The following COL23A1 variants were observed in gnomAD, a reference collection of about 807,000 sequenced individuals.
COL23A1 encodes the protein collagen type XXIII alpha 1 chain.
Under a neutral mutation model 99.3 loss-of-function variants are expected in COL23A1, and 97 were observed. The ratio of observed to expected loss-of-function variants is 0.98; its 90% CI spans 0.83 to 1.16. COL23A1 has a LOEUF of 1.16. COL23A1 is among the 50% of genes most tolerant of loss of function. COL23A1 has a pLI of 0.00. For missense variants in COL23A1, 762 were observed against 757.4 expected, an observed-to-expected ratio of 1.01 and a Z score of -0.07; for synonymous variants, 320 against 308.2, an observed-to-expected ratio of 1.04 and a Z score of -0.40.
intron 1 of COL23A1, among the ~76,000 whole-genome samples, chr5:178,575,575 C>G (rs999667511): frequency 6.6e-6 from 1 of 152,176 alleles, no homozygotes; most frequent in Non-Finnish European, 1.5e-5. Context: ...TCAAGCAGTT[C>G]CATGGCTCAC....
chr5:178,410,869 T>C (rs1038847590), intron 2 of COL23A1, among the ~76,000 whole-genome samples: 2 of 152,206 alleles, frequency 1.3e-5, no homozygotes, highest in Non-Finnish European at 2.9e-5. Context: ...TCAAATCATA[T>C]ATCTGACAAT....
rs1435952125 is a variant in COL23A1 at position 178,316,808 on chromosome 5, C to G, written c.362-9889G>C. ...TAATAATAACAGTAAGATCTAGTTTCAAGGTAGTGGACTGCAACATTGAAG... is the reference window on the plus strand; with the variant it reads ...TAATAATAACAGTAAGATCTAGTTTGAAGGTAGTGGACTGCAACATTGAAG... On this transcript the variant is annotated intron_variant, in intron 2 of 28. Transcript: ENST00000390654. Among the ~76,000 whole-genome samples the G allele has an allele frequency of 1.3e-4, 19 of 151,040 alleles. No homozygotes were observed. In the South Asian group the frequency reaches 4.0e-3, roughly 31 times the overall value.
Position 178,357,778 on chromosome 5 carries a change from ATG to A in COL23A1, c.362-50861_362-50860del, listed in dbSNP as rs1554144847. 6.2e-3 allele frequency among the ~76,000 whole-genome samples: 852 copies of A among 137,480 alleles called. 6 individuals carry two copies. The highest frequency in any genetic ancestry group is 0.022 in the African/African-American group (804 of 36,978). 90.2% of individuals were successfully genotyped at this position (137,480 alleles called of 152,430 possible). A position where few individuals can be genotyped will look rare whatever the true frequency, so the allele number is the denominator to read the frequency against. On this transcript the variant is annotated intron_variant, in intron 2 of 28. Transcript: ENST00000390654. Reference sequence around the variant, plus strand: ...TGTGTGTACGTGTATGTATGTGTGTATGTGTATGTGTGTGTGTATGTGTGTGT... The same window carrying A: ...TGTGTGTACGTGTATGTATGTGTGTATGTATGTGTGTGTGTATGTGTGTGT...
At position 178,468,926 on chromosome 5, in the gene COL23A1, C is replaced by A. The variant is rs1756584192; in HGVS notation, c.361+91756G>T. Among the ~76,000 whole-genome samples, 1 of 152,180 alleles carries A rather than the reference C, an allele frequency of 6.6e-6. No homozygotes were observed. Among genetic ancestry groups the A allele is most frequent in the Non-Finnish European group, 1.5e-5 (1 of 68,028 alleles). On this transcript the variant is annotated intron_variant, in intron 2 of 28. Coordinates refer to ENST00000390654, the MANE Select transcript of COL23A1 (RefSeq NM_173465.4). The surrounding 1 kb of genome is among the most constrained non-coding windows in gnomAD (Gnocchi z 4.2). ...AACACCAACTCCCCACTCCCCCCAG[C>A]CTGTGGCACCCACCATCCTGGTTTC...
chr5:178,353,722 C>T (rs1462892442), intron 2 of COL23A1, among the ~76,000 whole-genome samples: 1 of 152,176 alleles, frequency 6.6e-6, no homozygotes, highest in Non-Finnish European at 1.5e-5. Flanking sequence ...TGGGTGACAT[C>T]TCTCCGTGGA....
At chr5:178,585,336 G>T (rs493111) in intron 1 of COL23A1, among the ~76,000 whole-genome samples, 1 of 151,006 alleles carries the variant, frequency 6.6e-6, no homozygotes, top group African/African-American at 2.4e-5. Context: ...TGTGGCCCCG[G>T]CTGACGCTCA....
chr5:178,304,550 A>G (rs917094366), intron 3 of COL23A1, among the ~76,000 whole-genome samples: 6 of 150,936 alleles, frequency 4.0e-5, no homozygotes, highest in African/African-American at 1.2e-4. Context: ...CTCCCAAGAG[A>G]CACAGGAAAA....
chr5:178,510,311 G>A (rs979648357), intron 2 of COL23A1, among the ~76,000 whole-genome samples: 7 of 152,218 alleles, frequency 4.6e-5, no homozygotes, highest in Admixed American at 3.9e-4. Flanking sequence ...GGAGGCCGAG[G>A]CGGGCGGATC....
intron 2 of COL23A1, among the ~76,000 whole-genome samples, chr5:178,552,640 T>C (rs2113484454): frequency 6.6e-6 from 1 of 151,824 alleles, no homozygotes; most frequent in East Asian, 2.0e-4. Context: ...GGAGGGGATC[T>C]TTTGAAAGCA....
chr5:178,403,812 C>A (rs566301707), intron 2 of COL23A1, among the ~76,000 whole-genome samples: 1 of 152,350 alleles, frequency 6.6e-6, no homozygotes, highest in South Asian at 2.1e-4. Flanking sequence ...AATGCTTTTA[C>A]GCAAACACCT....
At chr5:178,245,018 C>A (rs1280045087) in intron 25 of COL23A1, among the ~76,000 whole-genome samples, 12 of 143,478 alleles carry the variant, frequency 8.4e-5, no homozygotes, top group Non-Finnish European at 1.8e-4. Context: ...CCTCCACTGC[C>A]ATCATCATCC....
At chr5:178,354,344 G>T (rs1001722409) in intron 2 of COL23A1, among the ~76,000 whole-genome samples, 2 of 152,062 alleles carry the variant, frequency 1.3e-5, no homozygotes, top group Non-Finnish European at 2.9e-5. Flanking sequence ...AAATAGCTGC[G>T]ACTACAGGCA....
rs529595337 is a variant in COL23A1, at chr5:178,535,333, G to A, written c.361+25349C>T. On this transcript the variant is annotated intron_variant, in intron 2 of 28. Coordinates refer to ENST00000390654, the MANE Select transcript of COL23A1 (RefSeq NM_173465.4). ...AGGCCCTGACGCTCTCAGAGCCCTG[G>A]CTTCCTTATCTACTCCAACAGGCTG... Among the ~76,000 whole-genome samples, 6 of 152,324 alleles carry A rather than the reference G, an allele frequency of 3.9e-5. 1 individual carries two copies. The South Asian group carries it at 8.3e-4, about 21-fold the overall frequency.
At chr5:178,409,802 A>C (rs1764970700) in intron 2 of COL23A1, among the ~76,000 whole-genome samples, 5 of 152,260 alleles carry the variant, frequency 3.3e-5, no homozygotes, top group African/African-American at 1.2e-4. Context: ...TCAGTGCTAA[A>C]GGATAGATTG....
At chr5:178,570,446 G>A (rs938904982) in intron 1 of COL23A1, among the ~76,000 whole-genome samples, 1 of 152,068 alleles carries the variant, frequency 6.6e-6, no homozygotes, top group South Asian at 2.1e-4. Context: ...CTGTGGTTAT[G>A]TACATATGTA....
At chr5:178,549,534 G>A (rs1162860680) in intron 2 of COL23A1, among the ~76,000 whole-genome samples, 2 of 152,128 alleles carry the variant, frequency 1.3e-5, no homozygotes, top group African/African-American at 4.8e-5. Flanking sequence ...TTCATTTCTT[G>A]GCCAGGCACG....
intron 2 of COL23A1, among the ~76,000 whole-genome samples, chr5:178,424,743 G>T (rs1765817931): frequency 6.6e-6 from 1 of 152,166 alleles, no homozygotes; most frequent in South Asian, 2.1e-4. Context: ...GGCCGCCCTG[G>T]CAAGTTATTT....
At chr5:178,406,029 G>C (rs1764745724) in intron 2 of COL23A1, among the ~76,000 whole-genome samples, 1 of 152,136 alleles carries the variant, frequency 6.6e-6, no homozygotes, top group African/African-American at 2.4e-5. Flanking sequence ...CTTGAACCTG[G>C]GAGGCGGAGG....
chr5:178,257,633 C>T (rs1180467884), intron 12 of COL23A1, 66 bp from the exon 13 acceptor site: 2 of 1,485,116 alleles, frequency 1.3e-6, no homozygotes, highest in Middle Eastern at 2.0e-4. Flanking sequence ...CCTCCCTCCT[C>T]TGGACTTCCC....
Sources: allele counts gnomAD v4.1 joint callset (sites outside exome capture counted in the v4.1 genomes callset), GRCh38; gene constraint gnomAD v4.1.1; non-coding constraint Gnocchi (gnomAD v3.1); transcripts MANE v1.5; gene names NCBI Gene and HGNC (gene_info 2026-07-23, HGNC 2026-07-21).